GLMN: variants seen among roughly 807,000 people sequenced by gnomAD.
GLMN encodes glomulin, FKBP associated protein.
GLMN carries 75 observed loss-of-function variants against 87.8 expected under a neutral mutation model. The observed-to-expected ratio is 0.85, with a 90% CI of 0.71 to 1.04. The LOEUF (loss-of-function observed/expected upper bound fraction) is 1.04. Among genes scored for constraint, GLMN ranks in the 50% least tolerant of loss-of-function variants. The pLI, the probability that GLMN is intolerant of heterozygous loss-of-function variation, is 0.00. For missense variants in GLMN, 588 were observed against 658.8 expected, an observed-to-expected ratio of 0.89 and a Z score of 1.18; for synonymous variants, 206 against 221.6, an observed-to-expected ratio of 0.93 and a Z score of 0.63.
intron 7 of GLMN, among the ~76,000 whole-genome samples, chr1:92,282,334 A>T (rs750334490): frequency 3.3e-4 from 51 of 152,336 alleles, no homozygotes; most frequent in Admixed American, 9.2e-4. Context: ...TCAAAACTGC[A>T]CAACTACATG....
chr1:92,281,584 T>C (rs1448430472), intron 7 of GLMN, among the ~76,000 whole-genome samples: 2 of 152,070 alleles, frequency 1.3e-5, no homozygotes, highest in African/African-American at 4.8e-5. Context: ...TAACCAGCTA[T>C]CATCATAATG....
At chr1:92,313,873 CT>C in the GLMN span, among the ~76,000 whole-genome samples, 1 of 152,338 alleles carries the variant, frequency 6.6e-6, no homozygotes, top group Admixed American at 6.5e-5. Context: ...TCACCTTGCA[CT>C]TTTATGTTGT....
chr1:92,264,121 G>C (rs200271216), intron 14 of GLMN, among the ~76,000 whole-genome samples: 1 of 152,118 alleles, frequency 6.6e-6, no homozygotes, highest in East Asian at 1.9e-4. Context: ...TTCAAGACGA[G>C]CCTGGGCAAC....
chr1:92,357,036 A>C, the GLMN span, among the ~76,000 whole-genome samples: 3 of 151,658 alleles, frequency 2.0e-5, no homozygotes, highest in Non-Finnish European at 4.4e-5. Context: ...ACTGCACTCC[A>C]GCCTGGGTGA....
chr1:92,319,652 C>T, the GLMN span, among the ~76,000 whole-genome samples: 1 of 152,134 alleles, frequency 6.6e-6, no homozygotes, highest in African/African-American at 2.4e-5. Context: ...TAAACAGTCT[C>T]TGCCTTTAAG....
At chr1:92,255,298 CAAT>C (rs1654070842) in intron 16 of GLMN, among the ~76,000 whole-genome samples, 1 of 152,078 alleles carries the variant, frequency 6.6e-6, no homozygotes, top group Non-Finnish European at 1.5e-5. Flanking sequence ...GACTCCCACA[CAAT>C]AATAGTGGGA....
intron 9 of GLMN, among the ~76,000 whole-genome samples, chr1:92,269,316 C>T (rs979787594): frequency 1.3e-5 from 2 of 151,548 alleles, no homozygotes; most frequent in Non-Finnish European, 2.9e-5. Context: ...GAAGTCAAGA[C>T]ACCTCCTTCC....
At chr1:92,366,625 A>G in the GLMN span, among the ~76,000 whole-genome samples, 9 of 152,334 alleles carry the variant, frequency 5.9e-5, no homozygotes, top group African/African-American at 2.2e-4. Context: ...TCAATAACAA[A>G]CAAGCAAGGC....
the GLMN span, among the ~76,000 whole-genome samples, chr1:92,360,494 C>T: frequency 1.3e-5 from 2 of 152,060 alleles, no homozygotes; most frequent in African/African-American, 4.8e-5. Context: ...TCAGAAGATT[C>T]TCAGGATAGT....
chr1:92,336,414 G>T, the GLMN span: 1 of 1,603,768 alleles, frequency 6.2e-7, no homozygotes, highest in Non-Finnish European at 8.5e-7. Context: ...TAAAAATCTT[G>T]TTCGAACTTT....
the GLMN span, among the ~76,000 whole-genome samples, chr1:92,326,454 G>T: frequency 6.6e-6 from 1 of 151,982 alleles, no homozygotes; most frequent in Non-Finnish European, 1.5e-5. Context: ...CCAGAAGGTG[G>T]CACTTTCAAG....
intron 16 of GLMN, among the ~76,000 whole-genome samples, chr1:92,249,264 ATTC>A (rs1274161196): frequency 7.0e-6 from 1 of 143,378 alleles, no homozygotes; most frequent in African/African-American, 2.8e-5. Context: ...TTTGATTACT[ATTC>A]TTTTTTTTTT....
chr1:92,339,334 C>T, the GLMN span, among the ~76,000 whole-genome samples: 1 of 149,010 alleles, frequency 6.7e-6, no homozygotes, highest in South Asian at 2.2e-4. Context: ...CCACAACCGC[C>T]CCCCAATCCC....
the GLMN span, chr1:92,345,898 A>G: frequency 5.2e-5 from 84 of 1,604,430 alleles, no homozygotes; most frequent in Non-Finnish European, 7.1e-5. Context: ...TTTAATTGCT[A>G]TGGTGTTGCT....
chr1:92,314,025 T>C, the GLMN span, among the ~76,000 whole-genome samples: 1 of 152,216 alleles, frequency 6.6e-6, no homozygotes, highest in African/African-American at 2.4e-5. Flanking sequence ...TAAGGGAATG[T>C]TGTAGCTGGT....
intron 8 of GLMN, among the ~76,000 whole-genome samples, chr1:92,270,116 AGC>A (rs1456449138): frequency 6.6e-6 from 1 of 152,218 alleles, no homozygotes; most frequent in Non-Finnish European, 1.5e-5. Context: ...AAAGATTGTG[AGC>A]AAATCACCAG....
At chr1:92,354,979 A>G in the GLMN span, among the ~76,000 whole-genome samples, 1 of 151,204 alleles carries the variant, frequency 6.6e-6, no homozygotes, top group African/African-American at 2.4e-5. Context: ...GCTCATTGCA[A>G]TCTCTGCCTC....
At chr1:92,349,165 A>G in the GLMN span, among the ~76,000 whole-genome samples, 2 of 152,200 alleles carry the variant, frequency 1.3e-5, no homozygotes, top group African/African-American at 4.8e-5. Flanking sequence ...TTAAGTCACA[A>G]CTTGTAGACA....
At chr1:92,364,960 C>G in the GLMN span, among the ~76,000 whole-genome samples, 1 of 152,222 alleles carries the variant, frequency 6.6e-6, no homozygotes, top group African/African-American at 2.4e-5. Flanking sequence ...GTGGCCCCAA[C>G]TTACCTATTC....
Sources: gnomAD v4.1 joint callset for allele counts (sites outside exome capture counted in the v4.1 genomes callset) on GRCh38, gnomAD v4.1.1 for gene constraint, MANE v1.5 for transcripts, NCBI Gene and HGNC (gene_info 2026-07-23, HGNC 2026-07-21) for gene names.